GRIN2B: variants seen among roughly 807,000 people sequenced by gnomAD.
The protein encoded by GRIN2B is glutamate receptor ionotropic, NMDA 2B.
A neutral mutation model predicts 114.5 loss-of-function variants in GRIN2B; 5 were observed. The ratio of observed to expected loss-of-function variants is 0.04; its 90% CI spans 0.02 to 0.09. The LOEUF (loss-of-function observed/expected upper bound fraction) is 0.09. Among genes scored for constraint, GRIN2B ranks in the 10% least tolerant of loss-of-function variants. The probability of loss-of-function intolerance (pLI) is 1.00; values close to 1 mark genes in which losing one functional copy is unlikely to be tolerated. For missense variants in GRIN2B, 1,108 were observed against 1,943.5 expected (o/e 0.57, Z 8.08); for synonymous variants, 787 against 745.1 (o/e 1.06, Z -0.92).
At chr12:13,808,984 G>A (rs921273455) in intron 3 of GRIN2B, among the ~76,000 whole-genome samples, 6 of 152,056 alleles carry the variant, frequency 3.9e-5, no homozygotes, top group Non-Finnish European at 8.8e-5. Flanking sequence ...TAACCAGAGT[G>A]ATGACCTAGA....
At chr12:13,752,791 T>G (rs955559860) in intron 4 of GRIN2B, among the ~76,000 whole-genome samples, 2 of 152,204 alleles carry the variant, frequency 1.3e-5, no homozygotes, top group Non-Finnish European at 1.5e-5. Flanking sequence ...ATATCCTTCA[T>G]ACGACTACAG....
intron 12 of GRIN2B, 61 bp downstream of exon 12, chr12:13,569,769 T>C (rs1565456943): frequency 3.1e-5 from 31 of 997,954 alleles, no homozygotes; most frequent in South Asian, 6.4e-5. Context: ...AAGGAAAGGT[T>C]GATGTTTTGG....
chr12:13,545,515 C>A lies in GRIN2B; in HGVS notation c.*17268G>T, dbSNP rs1948331642. The A allele has an allele frequency of 6.6e-6, 1 of 152,066 alleles. No individual in the cohort carries two copies. The highest frequency in any genetic ancestry group is 1.5e-5 in the Non-Finnish European group (1 of 68,026). The allele number at this position is 152,066 out of a possible 1,614,324, so 9.4% of individuals were successfully genotyped here. On this transcript the variant is annotated 3_prime_UTR_variant, in exon 14 of 14. Coordinates refer to ENST00000609686, the MANE Select transcript of GRIN2B (RefSeq NM_000834.5). ...TCTGAAGCCACAGACCAAATATCCC[C>A]AAAATAAGAGCTCCAGTAAACAAAA...
intron 2 of GRIN2B, among the ~76,000 whole-genome samples, chr12:13,962,887 G>A (rs1591643502): frequency 2.0e-5 from 3 of 152,194 alleles, no homozygotes; most frequent in Admixed American, 2.0e-4. Context: ...AGGGTGATAG[G>A]CACTGTCCCT....
intron 4 of GRIN2B, among the ~76,000 whole-genome samples, chr12:13,696,600 T>G (rs1294789492): frequency 6.6e-6 from 1 of 152,178 alleles, no homozygotes; most frequent in African/African-American, 2.4e-5. Context: ...GTGCCAGACC[T>G]ATGCTGAATG....
intron 2 of GRIN2B, among the ~76,000 whole-genome samples, chr12:13,975,314 C>T (rs895433671): frequency 1.1e-4 from 17 of 152,208 alleles, no homozygotes; most frequent in African/African-American, 3.4e-4. Flanking sequence ...AATATGCAGT[C>T]TCACAAAATC....
intron 3 of GRIN2B, among the ~76,000 whole-genome samples, chr12:13,803,785 T>C (rs1453247238): frequency 3.3e-5 from 5 of 152,044 alleles, no homozygotes; most frequent in African/African-American, 9.7e-5. Context: ...GAGCCAAAAA[T>C]GAAGCAACAC....
chr12:13,938,268 G>A (rs1867164105), intron 2 of GRIN2B, among the ~76,000 whole-genome samples: 1 of 151,736 alleles, frequency 6.6e-6, no homozygotes, highest in Non-Finnish European at 1.5e-5. Flanking sequence ...TCCACTTAAA[G>A]GGCAGAGATT....
intron 3 of GRIN2B, among the ~76,000 whole-genome samples, chr12:13,768,013 G>C (rs1258336597): frequency 6.6e-6 from 1 of 152,138 alleles, no homozygotes; most frequent in African/African-American, 2.4e-5. Context: ...GAAAGGCAAA[G>C]TTTCACCACA....
Position 13,959,769 on chromosome 12 carries a change from CTT to C in GRIN2B, c.-19+20157_-19+20158del, listed in dbSNP as rs3082919. Reference sequence around the variant, plus strand: ...TGGGTTTCTTTCTTTTTTTCTTTTTCTTTTTTTTTTTTTTTTGGTCTTCACCA... The same window carrying C: ...TGGGTTTCTTTCTTTTTTTCTTTTTCTTTTTTTTTTTTTTGGTCTTCACCA... On this transcript the variant is annotated intron_variant, in intron 2 of 13. Transcript: ENST00000609686. 7.9e-3 allele frequency among the ~76,000 whole-genome samples: 1,045 copies of C among 132,404 alleles called. 13 individuals carry two copies. Among genetic ancestry groups the C allele is most frequent in the African/African-American group, 0.025 (884 of 35,656 alleles). The allele number at this position is 132,404 out of a possible 152,430, so 86.9% of individuals were successfully genotyped here.
Position 13,538,715 on chromosome 12 carries a change from G to A in GRIN2B, c.*24068C>T, listed in dbSNP as rs548020511. On this transcript the variant is annotated 3_prime_UTR_variant, in exon 14 of 14. Coordinates refer to ENST00000609686, the MANE Select transcript of GRIN2B (RefSeq NM_000834.5). ...AGTAGTACCCAGCTACACAGGAGGCGGAGGTGGTAGAATCACTTGAGCCTG... is the reference window on the plus strand; with the variant it reads ...AGTAGTACCCAGCTACACAGGAGGCAGAGGTGGTAGAATCACTTGAGCCTG... The A allele has an allele frequency of 6.1e-4, 93 of 152,082 alleles. No individual in the cohort carries two copies. Among genetic ancestry groups the A allele is most frequent in the African/African-American group, 2.2e-3 (91 of 41,462 alleles). The allele number at this position is 152,082 out of a possible 1,614,324, so 9.4% of individuals were successfully genotyped here. A position where few individuals can be genotyped will look rare whatever the true frequency, so the allele number is the denominator to read the frequency against.
chr12:13,632,279 A>C (rs1014148668), intron 5 of GRIN2B, among the ~76,000 whole-genome samples: 5 of 152,284 alleles, frequency 3.3e-5, no homozygotes, highest in Admixed American at 3.3e-4. Flanking sequence ...AATTCCTATC[A>C]GGCAAAAGCC....
rs544613910 is a variant in GRIN2B, at chr12:13,678,751, A to G, written c.1011-2892T>C. The stretch of plus-strand genomic sequence containing the variant: ...TCTTATAGTTTGCAATGACTCTAAC[A>G]CTCCAACCAAAGGCCCTGAAGAATT... On this transcript the variant is annotated intron_variant, in intron 4 of 13. Transcript: ENST00000609686. Among the ~76,000 whole-genome samples the G allele has an allele frequency of 3.3e-5, 5 of 152,160 alleles. No individual in the cohort carries two copies. In the East Asian group the frequency reaches 7.7e-4, roughly 24 times the overall value.
At chr12:13,626,342 T>C (rs1180248238) in intron 5 of GRIN2B, among the ~76,000 whole-genome samples, 1 of 152,058 alleles carries the variant, frequency 6.6e-6, no homozygotes, top group Non-Finnish European at 1.5e-5. Flanking sequence ...TGACTGAAAA[T>C]GATGGGTGGG....
intron 4 of GRIN2B, among the ~76,000 whole-genome samples, chr12:13,707,872 C>T (rs1950375321): frequency 6.6e-6 from 1 of 152,052 alleles, no homozygotes; most frequent in Non-Finnish European, 1.5e-5. Context: ...GTAAAATATA[C>T]AGCAAGTTTA....
chr12:13,752,398 T>C (rs1565524211), intron 4 of GRIN2B, among the ~76,000 whole-genome samples: 1 of 152,234 alleles, frequency 6.6e-6, no homozygotes. Context: ...TGTACATGCA[T>C]AGAGAGATAT....
chr12:13,566,485 A>T (rs1948642843), intron 13 of GRIN2B, among the ~76,000 whole-genome samples: 1 of 152,232 alleles, frequency 6.6e-6, no homozygotes, highest in African/African-American at 2.4e-5. Context: ...CTCTTGCTCC[A>T]ACTAGGGAAG....
At chr12:13,668,185 C>T (rs1949994859) in intron 5 of GRIN2B, among the ~76,000 whole-genome samples, 1 of 152,180 alleles carries the variant, frequency 6.6e-6, no homozygotes, top group South Asian at 2.1e-4. Context: ...CTTCTTCAGT[C>T]TCTGAATTCA....
At chr12:13,949,099 T>C (rs1867425439) in intron 2 of GRIN2B, among the ~76,000 whole-genome samples, 1 of 152,080 alleles carries the variant, frequency 6.6e-6, no homozygotes, top group African/African-American at 2.4e-5. Flanking sequence ...TTGCCGGACT[T>C]TGGAGGGACC....
Sources: gnomAD v4.1 joint callset for allele counts (sites outside exome capture counted in the v4.1 genomes callset) on GRCh38, gnomAD v4.1.1 for gene constraint, MANE v1.5 for transcripts, NCBI Gene and HGNC (gene_info 2026-07-23, HGNC 2026-07-21) for gene names.